Variants in MTA3 observed in about 807,000 individuals in gnomAD.
MTA3 encodes metastasis-associated protein MTA3.
A neutral mutation model predicts 83.5 loss-of-function variants in MTA3; 34 were observed. That is an observed-to-expected ratio of 0.41 (90% CI 0.31 to 0.54). The LOEUF is 0.54. MTA3 is among the 20% of genes least tolerant of loss of function. MTA3 has a pLI of 0.33. For synonymous variants in MTA3, 303 were observed against 252.7 expected (o/e 1.20, Z -1.89); for missense variants, 761 against 726.4 (o/e 1.05, Z -0.55).
intron 7 of MTA3, 67 bp from the exon 8 acceptor site, chr2:42,659,696 A>T: frequency 1.6e-6 from 2 of 1,243,508 alleles, no homozygotes; most frequent in Non-Finnish European, 2.1e-6. Context: ...TGTGTTTTTT[A>T]AAACGTTAAA....
chr2:42,568,657 G>A lies in MTA3; in HGVS notation c.-89G>A, dbSNP rs1310750861. 7.0e-6 allele frequency: 7 copies of A among 994,294 alleles called. No homozygotes were observed. The highest frequency in any genetic ancestry group is 8.9e-6 in the Non-Finnish European group (7 of 790,868). The allele number at this position is 994,294 out of a possible 1,614,324, so 61.6% of individuals were successfully genotyped here. A position where few individuals can be genotyped will look rare whatever the true frequency, so the allele number is the denominator to read the frequency against. ...GTGGCGAGGCAGCAGCGACGGCGGC[G>A]GCGGCAGCGGCGGTCGCGGCTGAGG... On this transcript the variant is annotated 5_prime_UTR_variant, in exon 1 of 17. Transcript: ENST00000405094.
At chr2:42,517,030 C>T (rs1455268964) in intron 2 of MTA3, among the ~76,000 whole-genome samples, 8 of 151,850 alleles carry the variant, frequency 5.3e-5, no homozygotes, top group Middle Eastern at 3.2e-3. Context: ...GAGGCCGAGG[C>T]GGGCAGATCA....
chr2:42,588,500 G>A (rs1447862729), intron 3 of MTA3, among the ~76,000 whole-genome samples: 1 of 152,180 alleles, frequency 6.6e-6, no homozygotes, highest in Non-Finnish European at 1.5e-5. Context: ...TTTAGCAGCT[G>A]ACAATTCAAT....
chr2:42,627,080 C>CT (rs926228542), intron 4 of MTA3, among the ~76,000 whole-genome samples: 8 of 151,524 alleles, frequency 5.3e-5, no homozygotes, highest in African/African-American at 7.3e-5. Flanking sequence ...TTTCTTTTTT[C>CT]TTTTTTTTTC....
chr2:42,590,168 C>T (rs1437680562), intron 3 of MTA3, among the ~76,000 whole-genome samples: 7 of 152,096 alleles, frequency 4.6e-5, no homozygotes, highest in Non-Finnish European at 7.4e-5. Context: ...CCTTTTCCTG[C>T]GTGCTGTGGT....
At chr2:42,548,858 TAA>T (rs1558428417) in intron 2 of MTA3, among the ~76,000 whole-genome samples, 10 of 26,564 alleles carry the variant, frequency 3.8e-4, no homozygotes, top group African/African-American at 2.9e-3. Flanking sequence ...TATATATATA[TAA>T]TATATATATA....
At chr2:42,521,686 C>T (rs1307882922) in intron 2 of MTA3, among the ~76,000 whole-genome samples, 1 of 151,420 alleles carries the variant, frequency 6.6e-6, no homozygotes, top group African/African-American at 2.4e-5. Flanking sequence ...GTTTGAGAAG[C>T]CCTTTGTCAG....
chr2:42,565,911 G>A (rs1572992507), upstream of MTA3, among the ~76,000 whole-genome samples: 1 of 152,270 alleles, frequency 6.6e-6, no homozygotes, highest in East Asian at 1.9e-4. Flanking sequence ...GGCTGAGGCA[G>A]GAGAATTGCT....
rs576208880 is a variant in MTA3, at chr2:42,665,565, C to T, written c.702+5703C>T. On this transcript the variant is annotated intron_variant, in intron 8 of 16. Coordinates refer to ENST00000405094, the MANE Select transcript of MTA3 (RefSeq NM_001330442.2). ...CTGACTCCCTGTTTGGTGGTGTTGG[C>T]CAGAGCAAGGTCTGCACTCCCCTGG... 1.4e-4 allele frequency among the ~76,000 whole-genome samples: 22 copies of T among 152,236 alleles called. No individual in the cohort carries two copies. In the Middle Eastern group the frequency reaches 0.014, roughly 94 times the overall value.
chr2:42,554,199 A>G (rs891262289), intron 2 of MTA3, among the ~76,000 whole-genome samples: 1 of 151,832 alleles, frequency 6.6e-6, no homozygotes, highest in Admixed American at 6.6e-5. Flanking sequence ...ACGTCATTGC[A>G]CTCCAGCCTG....
chr2:42,524,450 G>T (rs1021215778), intron 2 of MTA3, among the ~76,000 whole-genome samples: 1 of 144,940 alleles, frequency 6.9e-6, no homozygotes, highest in Non-Finnish European at 1.5e-5. Flanking sequence ...ACAATTGCCC[G>T]CCACCACGCC....
intron 4 of MTA3, 79 bp downstream of exon 4, chr2:42,609,663 ACT>A: frequency 6.8e-7 from 1 of 1,464,814 alleles, no homozygotes; most frequent in Non-Finnish European, 9.2e-7. Context: ...CGTTTTCCAG[ACT>A]CTTCTCAGGA....
intron 11 of MTA3, among the ~76,000 whole-genome samples, chr2:42,698,102 T>C (rs1693549825): frequency 6.6e-6 from 1 of 152,194 alleles, no homozygotes; most frequent in Admixed American, 6.5e-5. Flanking sequence ...AGAAAACCTA[T>C]GAAATGCTGT....
intron 2 of MTA3, among the ~76,000 whole-genome samples, chr2:42,547,418 C>T (rs767408524): frequency 1.3e-5 from 2 of 152,278 alleles, no homozygotes; most frequent in Non-Finnish European, 2.9e-5. Context: ...ACCTCCACCT[C>T]CTGGGTTCAA....
chr2:42,652,791 AT>A (rs1377752723), intron 6 of MTA3, among the ~76,000 whole-genome samples: 3 of 152,172 alleles, frequency 2.0e-5, no homozygotes, highest in Non-Finnish European at 4.4e-5. Flanking sequence ...GTAACTTGTT[AT>A]TCTTTTGATT....
At chr2:42,644,058 A>G in intron 5 of MTA3, 69 bp from the exon 6 acceptor site, 2 of 942,738 alleles carry the variant, frequency 2.1e-6, no homozygotes, top group Middle Eastern at 2.3e-4. Flanking sequence ...TTGTAGCAAC[A>G]TTGATTTTAA....
intron 2 of MTA3, among the ~76,000 whole-genome samples, chr2:42,522,454 A>G (rs1217199874): frequency 6.6e-6 from 1 of 152,096 alleles, no homozygotes; most frequent in Non-Finnish European, 1.5e-5. Flanking sequence ...TGATATCTCT[A>G]GGCAAACTGC....
chr2:42,713,299 C>T (rs1436994726), intron 14 of MTA3, among the ~76,000 whole-genome samples: 1 of 152,090 alleles, frequency 6.6e-6, no homozygotes, highest in Non-Finnish European at 1.5e-5. Context: ...CTCAAGACCC[C>T]ACTTGATGAA....
intron 2 of MTA3, among the ~76,000 whole-genome samples, chr2:42,540,785 T>C (rs1190112087): frequency 1.3e-5 from 2 of 151,034 alleles, no homozygotes; most frequent in South Asian, 2.1e-4. Flanking sequence ...CAGTGAGCTG[T>C]GATCGTGCTA....
Sources: gnomAD v4.1 joint callset for allele counts (sites outside exome capture counted in the v4.1 genomes callset) on GRCh38, gnomAD v4.1.1 for gene constraint, MANE v1.5 for transcripts, NCBI Gene and HGNC (gene_info 2026-07-23, HGNC 2026-07-21) for gene names.